RINL: variants seen among roughly 807,000 people sequenced by gnomAD.
The protein encoded by RINL is ras and Rab interactor-like protein.
RINL carries 39 observed loss-of-function variants against 58.1 expected under a neutral mutation model. The observed-to-expected ratio is 0.67, with a 90% CI of 0.52 to 0.88. The LOEUF (loss-of-function observed/expected upper bound fraction) is 0.88, where lower values mean the gene tolerates loss of function less well. Ranked by LOEUF, RINL falls within the 40% of genes least tolerant of loss-of-function variation. RINL has a pLI of 0.00. For synonymous variants in RINL, 286 were observed against 323.1 expected, an observed-to-expected ratio of 0.89 and a Z score of 1.23; for missense variants, 711 against 749.2, an observed-to-expected ratio of 0.95 and a Z score of 0.60.
chr19:38,871,629 T>A lies in RINL; in HGVS notation c.451+18A>T. On this transcript the variant is annotated intron_variant, in intron 6 of 11. Coordinates refer to ENST00000591812, the MANE Select transcript of RINL (RefSeq NM_001195833.2). ...ATTGGCAGGTTGGCTGTGCCCTCTT[T>A]AGAGAACCGTGCCTCACCTGTGTGT... 1 of 1,611,696 alleles carries A rather than the reference T, an allele frequency of 6.2e-7. No homozygotes were observed. The highest frequency in any genetic ancestry group is 8.5e-7 in the Non-Finnish European group (1 of 1,178,804).
Position 38,868,999 on chromosome 19 carries a change from C to T in RINL, c.*105G>A. 2 of 960,362 alleles carry T rather than the reference C, an allele frequency of 2.1e-6. No individual in the cohort carries two copies. The highest frequency in any genetic ancestry group is 3.0e-6 in the Non-Finnish European group (2 of 663,610). The allele number at this position is 960,362 out of a possible 1,614,324, so 59.5% of individuals were successfully genotyped here. Reference sequence around the variant, plus strand: ...TTTTTTTTGGTAGATGGGGGTCCCACTGTTTTGCCCAGGCTGGTCTCAAAC... The same window carrying T: ...TTTTTTTTGGTAGATGGGGGTCCCATTGTTTTGCCCAGGCTGGTCTCAAAC... On this transcript the variant is annotated 3_prime_UTR_variant, in exon 12 of 12. Transcript: ENST00000591812.
rs773646026 is a variant in RINL at position 38,871,709 on chromosome 19, T to C, written c.389A>G (p.Asp130Gly). The change falls in exon 6 of 12, where the codon GAT becomes GGT. Residue 130 changes from aspartate to glycine, a missense_variant and splice_region_variant. Asp to Gly is a moderately conservative substitution (Grantham distance 94). Transcript: ENST00000591812. ...HLLAFLSASR[D>G]VLPRTLLLPP... is the part of the protein sequence containing the mutation. Reference sequence around the variant, plus strand: ...CAAGAGCAGGGTTCTGGGCAGAACATCCCTGAGAATAAAGAGGTGGGAGCC... The same window carrying C: ...CAAGAGCAGGGTTCTGGGCAGAACACCCCTGAGAATAAAGAGGTGGGAGCC... The C allele has an allele frequency of 4.3e-6, 7 of 1,614,102 alleles. No individual in the cohort carries two copies. Among genetic ancestry groups the C allele is most frequent in the South Asian group, 2.2e-5 (2 of 91,078 alleles).
Position 38,869,286 on chromosome 19 carries a change from G to A in RINL, c.1599C>T (p.Arg533=). 1 of 1,614,168 alleles carries A rather than the reference G, an allele frequency of 6.2e-7. No individual in the cohort carries two copies. The highest frequency in any genetic ancestry group is 8.5e-7 in the Non-Finnish European group (1 of 1,180,024). The change falls in exon 11 of 12, where the codon CGC becomes CGT. Residue 533 remains arginine (R), a synonymous_variant. Coordinates refer to ENST00000591812, the MANE Select transcript of RINL (RefSeq NM_001195833.2). The surrounding 1 kb of genome is among the most constrained non-coding windows in gnomAD (Gnocchi z 5.7). ...EARASLHQWH[R]RRTLHRKDHP... Reference sequence around the variant, plus strand: ...GATCCTTTCTGTGCAGCGTCCGCCTGCGGTGCCACTGGTGCAGGGAGGCGC... The same window carrying A: ...GATCCTTTCTGTGCAGCGTCCGCCTACGGTGCCACTGGTGCAGGGAGGCGC...
chr19:38,876,728 T>G lies in RINL; in HGVS notation c.15A>C (p.Glu5Asp). 6.5e-7 allele frequency: 1 copy of G among 1,536,116 alleles called. No individual in the cohort carries two copies. Among genetic ancestry groups the G allele is most frequent in the Non-Finnish European group, 8.7e-7 (1 of 1,146,878 alleles). MAQP[E>D]DKAPEVPTEG... is the part of the protein sequence containing the mutation. ...CTGTGGGGACTTCAGGTGCCTTGTCTTCTGGCTGGGCCATCGTCAGGTTGC... is the reference window on the plus strand; with the variant it reads ...CTGTGGGGACTTCAGGTGCCTTGTCGTCTGGCTGGGCCATCGTCAGGTTGC... Residue 5 changes from glutamate to aspartate, a missense_variant, in exon 2 of 12, where the codon GAA (glutamate) becomes GAC (aspartate). Glu to Asp is a conservative substitution (Grantham distance 45, BLOSUM62 2). Coordinates refer to ENST00000591812, the MANE Select transcript of RINL (RefSeq NM_001195833.2).
rs1157171214 is a variant in RINL, at chr19:38,871,006, G to A, written c.602-14C>T. The A allele has an allele frequency of 1.3e-6, 2 of 1,588,188 alleles. No homozygotes were observed. Among genetic ancestry groups the A allele is most frequent in the African/African-American group, 1.3e-5 (1 of 74,296 alleles). On this transcript the variant is annotated splice_polypyrimidine_tract_variant and intron_variant, in intron 7 of 11. Coordinates refer to ENST00000591812, the MANE Select transcript of RINL (RefSeq NM_001195833.2). The stretch of plus-strand genomic sequence containing the variant: ...GGTTCCTGGGGGCTGGAAGTGAGGA[G>A]GGCATTCGGTCGCCTAGAACAGGGG...
intron 4 of RINL, among the ~76,000 whole-genome samples, chr19:38,872,510 A>G (rs1972836211): frequency 6.6e-6 from 1 of 152,030 alleles, no homozygotes; most frequent in South Asian, 2.1e-4. Flanking sequence ...AAATAAATAA[A>G]AATAAATTTT....
chr19:38,874,038 T>C (rs1389923807), intron 3 of RINL, 50 bp from the exon 4 acceptor site: 1 of 1,166,984 alleles, frequency 8.6e-7, no homozygotes, highest in Non-Finnish European at 1.2e-6. Context: ...CGCAGATGTC[T>C]GTTGCTTTTG....
In RINL at chr19:38,870,817, G is replaced by A. The variant is rs555465748; in HGVS notation, c.777C>T (p.Leu259=). The A allele has an allele frequency of 6.2e-7, 1 of 1,610,968 alleles. No individual in the cohort carries two copies. Among genetic ancestry groups the A allele is most frequent in the South Asian group, 1.1e-5 (1 of 91,080 alleles). The change falls in exon 8 of 12, where the codon CTC becomes CTT. Residue 259 remains leucine, a synonymous_variant. Coordinates refer to ENST00000591812, the MANE Select transcript of RINL (RefSeq NM_001195833.2). The surrounding 1 kb of genome is among the most constrained non-coding windows in gnomAD (Gnocchi z 5.8). ...TGACCAGAGACTGGACGTGAATGGT[G>A]AGCACGTCCTCAGGGCCTTCCTCTT... ...DPEEEGPEDV[L]TIHVQSLVRA... is the part of the protein sequence containing the mutation.
chr19:38,877,115 G>A (rs377670715), intron 1 of RINL, among the ~76,000 whole-genome samples: 112 of 152,136 alleles, frequency 7.4e-4, no homozygotes, highest in African/African-American at 2.4e-3. Flanking sequence ...AGGTTTTGAC[G>A]TGTTACCCAG....
In RINL at chr19:38,871,105, G is replaced by T. The variant is rs199783744; in HGVS notation, c.574C>A (p.Pro192Thr). 6.2e-7 allele frequency: 1 copy of T among 1,609,286 alleles called. No homozygotes were observed. The highest frequency in any genetic ancestry group is 8.5e-7 in the Non-Finnish European group (1 of 1,177,790). ...GGATCATGTCTCTGAGCAGCCTCTGGCTCTGTTTCTTGAGGGGTCTGCTCC... is the reference window on the plus strand; with the variant it reads ...GGATCATGTCTCTGAGCAGCCTCTGTCTCTGTTTCTTGAGGGGTCTGCTCC... ...GREQTPQETEPEAAQRHDPAP... is the reference protein window; with the variant it reads ...GREQTPQETETEAAQRHDPAP... Residue 192 changes from proline (P) to threonine (T), a missense_variant, in exon 7 of 12, where the codon CCA becomes ACA. By Grantham distance (38) the Pro-to-Thr change is conservative. Coordinates refer to ENST00000591812, the MANE Select transcript of RINL (RefSeq NM_001195833.2).
chr19:38,870,194 C>A lies in RINL; in HGVS notation c.1091G>T (p.Arg364Leu). The A allele has an allele frequency of 7.1e-7, 1 of 1,399,352 alleles. No homozygotes were observed. The highest frequency in any genetic ancestry group is 2.6e-4 in the Middle Eastern group (1 of 3,824). 86.7% of individuals were successfully genotyped at this position (1,399,352 alleles called of 1,614,324 possible). The change falls in exon 9 of 12, where the codon CGA becomes CTA. Residue 364 changes from arginine (R) to leucine (L), a missense_variant. Coordinates refer to ENST00000591812, the MANE Select transcript of RINL (RefSeq NM_001195833.2). The surrounding 1 kb of genome is among the most constrained non-coding windows in gnomAD (Gnocchi z 5.8). ...CTCCGGTGCTCGGAGTGTGCGGAGT[C>A]GTGTCCACAGGGCCGGCTTCAGGGG... ...LAPLKPALWT[R>L]LRTLRAPELR...
In RINL at chr19:38,870,969, C is replaced by T. The variant is rs201437690; in HGVS notation, c.625G>A (p.Gly209Arg). The change falls in exon 8 of 12, where the codon GGG becomes AGG. Residue 209 changes from glycine to arginine, a missense_variant. Physicochemically the swap from Gly to Arg is moderately radical, Grantham distance 125 (BLOSUM62 -2). Transcript: ENST00000591812. This position sits in a 1 kb window ranked among gnomAD's most constrained non-coding sequence, Gnocchi z 5.8. The part of the protein sequence containing the change: ...DPAPRNPAPH[G>R]VSWVKGPLSP... ...AGCGGGCCTTTCACCCAGGAGACCC[C>T]GTGAGGCGCAGGGTTCCTGGGGGCT... The T allele has an allele frequency of 1.5e-5, 24 of 1,603,452 alleles. 1 individual carries two copies. The South Asian group carries it at 2.4e-4, about 16-fold the overall frequency.
At chr19:38,872,741 T>C (rs1229019968) in intron 4 of RINL, among the ~76,000 whole-genome samples, 3 of 151,888 alleles carry the variant, frequency 2.0e-5, no homozygotes, top group Non-Finnish European at 2.9e-5. Flanking sequence ...GGTGGGGGCC[T>C]AGGGGAGGGA....
At chr19:38,874,729 C>T (rs1222974647) in intron 3 of RINL, among the ~76,000 whole-genome samples, 2 of 152,182 alleles carry the variant, frequency 1.3e-5, no homozygotes, top group Non-Finnish European at 2.9e-5. Flanking sequence ...TGCAGAATTC[C>T]TTGTTCACGG....
At chr19:38,873,835 T>C in intron 4 of RINL, 51 bp downstream of exon 4, 1 of 1,171,192 alleles carries the variant, frequency 8.5e-7, no homozygotes, top group Non-Finnish European at 1.2e-6. Context: ...CAGCTGATAG[T>C]TCTTAGTGAT....
rs770786536 is a variant in RINL at position 38,870,716 on chromosome 19, TGG to T, written c.876_877del (p.His293ArgfsTer19). Reference sequence around the variant, plus strand: ...CTCCGTGGCCGGGTCCCCAGACCCGTGGGGACCCCCAGAATCTGAGGCGATGC... The same window carrying T: ...CTCCGTGGCCGGGTCCCCAGACCCGTGGACCCCCAGAATCTGAGGCGATGC... On this transcript the variant is annotated frameshift_variant, in exon 8 of 12. Coordinates refer to ENST00000591812, the MANE Select transcript of RINL (RefSeq NM_001195833.2). LOFTEE classifies it high-confidence loss of function. This position sits in a 1 kb window ranked among gnomAD's most constrained non-coding sequence, Gnocchi z 5.8. 6.2e-7 allele frequency: 1 copy of T among 1,613,572 alleles called. No individual in the cohort carries two copies. Among genetic ancestry groups the T allele is most frequent in the South Asian group, 1.1e-5 (1 of 91,084 alleles).
rs569096808 is a variant in RINL at position 38,877,431 on chromosome 19, G to C, written c.-39-650C>G. The stretch of plus-strand genomic sequence containing the variant: ...AGCGCCTGGAAAAGTTCTTGGCCCA[G>C]AGTAGGCAGTCCCTATATCTGGAAA... On this transcript the variant is annotated intron_variant, in intron 1 of 11. Coordinates refer to ENST00000591812, the MANE Select transcript of RINL (RefSeq NM_001195833.2). Among the ~76,000 whole-genome samples, 11 of 152,322 alleles carry C rather than the reference G, an allele frequency of 7.2e-5. No individual in the cohort carries two copies. In the South Asian group the frequency reaches 2.3e-3, roughly 32 times the overall value.
Position 38,870,133 on chromosome 19 carries a change from C to T in RINL, c.1152G>A (p.Arg384=). ...GTGCCCCCGGAGGCCCCGCCCCCGC[C>T]CGCAGGGCTGTCTGTCGCCGCCGCA... ...RRLRRRQTAL[R]AGAGPPGAQG... Residue 384 remains arginine, a synonymous_variant, in exon 9 of 12, where the codon CGG becomes CGA. Coordinates refer to ENST00000591812, the MANE Select transcript of RINL (RefSeq NM_001195833.2). The surrounding 1 kb of genome is among the most constrained non-coding windows in gnomAD (Gnocchi z 5.8). The T allele has an allele frequency of 1.4e-6, 2 of 1,417,638 alleles. No individual in the cohort carries two copies. The highest frequency in any genetic ancestry group is 1.8e-6 in the Non-Finnish European group (2 of 1,096,158). 87.8% of individuals were successfully genotyped at this position (1,417,638 alleles called of 1,614,324 possible).
chr19:38,870,239 A>G lies in RINL; in HGVS notation c.1046T>C (p.Val349Ala). ...EDPGPALETAVCQAVLAPLKP... is the reference protein window; with the variant it reads ...EDPGPALETAACQAVLAPLKP... ...CAGGGGCGCCAGCACCGCCTGGCAC[A>G]CCGCCGTCTCCAGCGCGGGGCCTGC... The change falls in exon 9 of 12, where the codon GTG (valine) becomes GCG (alanine). Residue 349 changes from valine (V) to alanine (A), a missense_variant. Transcript: ENST00000591812. This position sits in a 1 kb window ranked among gnomAD's most constrained non-coding sequence, Gnocchi z 5.8. 1 of 1,383,020 alleles carries G rather than the reference A, an allele frequency of 7.2e-7. No individual in the cohort carries two copies. The highest frequency in any genetic ancestry group is 9.3e-7 in the Non-Finnish European group (1 of 1,076,134). 85.7% of individuals were successfully genotyped at this position (1,383,020 alleles called of 1,614,324 possible).
Sources: allele counts gnomAD v4.1 joint callset (sites outside exome capture counted in the v4.1 genomes callset), GRCh38; gene constraint gnomAD v4.1.1; non-coding constraint Gnocchi (gnomAD v3.1); transcripts MANE v1.5; gene names NCBI Gene and HGNC (gene_info 2026-07-23, HGNC 2026-07-21).